The following SLC16A12 variants were observed in gnomAD, a reference collection of about 807,000 sequenced individuals.
The protein encoded by SLC16A12 is solute carrier family 16 member 12.
SLC16A12 carries 17 observed loss-of-function variants against 42.4 expected under a neutral mutation model. That is an observed-to-expected ratio of 0.40 (90% CI 0.27 to 0.60). SLC16A12 has a LOEUF of 0.60. Among genes scored for constraint, SLC16A12 ranks in the 20% least tolerant of loss-of-function variants. SLC16A12 has a pLI of 0.42. For missense variants in SLC16A12, 544 were observed against 623.0 expected (o/e 0.87, Z 1.35); for synonymous variants, 224 against 229.4 (o/e 0.98, Z 0.21).
intron 2 of SLC16A12, among the ~76,000 whole-genome samples, chr10:89,512,171 T>C (rs1452929458): frequency 2.0e-5 from 3 of 152,188 alleles, no homozygotes. Flanking sequence ...GGGGAGTTAG[T>C]ATTTAATGGG....
intron 1 of SLC16A12, among the ~76,000 whole-genome samples, chr10:89,556,228 T>A (rs1363212057): frequency 6.6e-6 from 1 of 152,150 alleles, no homozygotes; most frequent in Non-Finnish European, 1.5e-5. Flanking sequence ...GGTACTCCAT[T>A]GATAAATAAT....
At chr10:89,483,723 G>T (rs1842703047) in intron 2 of SLC16A12, among the ~76,000 whole-genome samples, 1 of 135,678 alleles carries the variant, frequency 7.4e-6, no homozygotes, top group African/African-American at 2.8e-5. Flanking sequence ...TGGCAACATA[G>T]TGAGACGCTG....
chr10:89,539,509 C>T (rs1383205351), upstream of SLC16A12, among the ~76,000 whole-genome samples: 1 of 152,120 alleles, frequency 6.6e-6, no homozygotes, highest in African/African-American at 2.4e-5. Context: ...AGCCTGACAC[C>T]TTAGGGTACA....
intron 2 of SLC16A12, among the ~76,000 whole-genome samples, chr10:89,514,488 C>T (rs1392281613): frequency 2.6e-5 from 4 of 152,198 alleles, no homozygotes; most frequent in Admixed American, 6.5e-5. Flanking sequence ...GGTGAAGGCA[C>T]TCTTCCTGGC....
intron 2 of SLC16A12, among the ~76,000 whole-genome samples, chr10:89,500,373 T>C (rs1329962312): frequency 6.6e-6 from 1 of 152,108 alleles, no homozygotes; most frequent in Non-Finnish European, 1.5e-5. Flanking sequence ...CTGATGAATA[T>C]AGATGCTAAA....
At chr10:89,451,194 T>G (rs1842091528) in intron 3 of SLC16A12, among the ~76,000 whole-genome samples, 1 of 152,142 alleles carries the variant, frequency 6.6e-6, no homozygotes, top group African/African-American at 2.4e-5. Context: ...GCTTTAACAA[T>G]CCATAGTAAC....
At chr10:89,502,894 A>G (rs1439284534) in intron 2 of SLC16A12, among the ~76,000 whole-genome samples, 1 of 152,222 alleles carries the variant, frequency 6.6e-6, no homozygotes, top group South Asian at 2.1e-4. Flanking sequence ...CTATCTCTTA[A>G]TAAAAGGCTG....
At chr10:89,444,879 T>C (rs1479107546) in intron 3 of SLC16A12, among the ~76,000 whole-genome samples, 5 of 152,188 alleles carry the variant, frequency 3.3e-5, no homozygotes, top group African/African-American at 1.2e-4. Context: ...CTGGGAAAAT[T>C]GGGGCACTGC....
chr10:89,470,748 C>T (rs140345877), intron 2 of SLC16A12, among the ~76,000 whole-genome samples: 240 of 152,346 alleles, frequency 1.6e-3, no homozygotes, highest in African/African-American at 5.6e-3. Context: ...ACAATGAGGA[C>T]AGAAGCCATC....
intron 2 of SLC16A12, among the ~76,000 whole-genome samples, chr10:89,523,734 T>C (rs1369949318): frequency 1.3e-5 from 2 of 152,204 alleles, no homozygotes; most frequent in Non-Finnish European, 2.9e-5. Flanking sequence ...GCTGAAGCAC[T>C]ACTCCAGGCA....
intron 2 of SLC16A12, among the ~76,000 whole-genome samples, chr10:89,543,027 C>T (rs183487678): frequency 1.8e-4 from 27 of 152,310 alleles, no homozygotes; most frequent in African/African-American, 6.3e-4. Flanking sequence ...CTTCTGCCTA[C>T]GGAGATCTAA....
intron 2 of SLC16A12, among the ~76,000 whole-genome samples, chr10:89,513,679 T>C (rs1234008880): frequency 6.6e-6 from 1 of 152,166 alleles, no homozygotes; most frequent in Non-Finnish European, 1.5e-5. Flanking sequence ...AATCAAAATA[T>C]TTAGCAAGAG....
rs371603974 is a variant in SLC16A12 at position 89,472,098 on chromosome 10, T to A, written c.-46-9474A>T. Among the ~76,000 whole-genome samples, 114 of 152,310 alleles carry A rather than the reference T, an allele frequency of 7.5e-4. 1 individual carries two copies. The highest frequency in any genetic ancestry group is 3.4e-3 in the Middle Eastern group (1 of 294). On this transcript the variant is annotated intron_variant, in intron 2 of 7. Transcript: ENST00000371790. ...ACCTATTCATTAATTAGTGGTGTAT[T>A]TTGAAGAGCAGAAGCCATTAATTTT... is the stretch of plus-strand genomic sequence containing the variant.
rs1282157713 is a variant in SLC16A12 at position 89,481,466 on chromosome 10, T to C, written c.-46-18842A>G. Among the ~76,000 whole-genome samples, 54 of 152,190 alleles carry C rather than the reference T, an allele frequency of 3.5e-4. 1 individual carries two copies. Among genetic ancestry groups the C allele is most frequent in the Admixed American group, 3.5e-3 (54 of 15,274 alleles). ...TTTAAACTTATTGAGATTTTATCAT[T>C]CCACTAATACCTGAGAGTTTTGCTT... On this transcript the variant is annotated intron_variant, in intron 2 of 7. Coordinates refer to ENST00000371790, the MANE Select transcript of SLC16A12 (RefSeq NM_213606.4).
intron 3 of SLC16A12, among the ~76,000 whole-genome samples, chr10:89,452,791 T>C (rs986033449): frequency 1.1e-4 from 16 of 152,332 alleles, no homozygotes; most frequent in African/African-American, 3.8e-4. Flanking sequence ...CGAACTGCAA[T>C]GCAGGCCTAA....
At chr10:89,552,643 C>G (rs1564606822) in intron 2 of SLC16A12, among the ~76,000 whole-genome samples, 1 of 152,146 alleles carries the variant, frequency 6.6e-6, no homozygotes, top group Non-Finnish European at 1.5e-5. Flanking sequence ...TAAGCCAATT[C>G]AACTCAACTA....
chr10:89,485,444 G>A (rs1201123425), intron 2 of SLC16A12, among the ~76,000 whole-genome samples: 1 of 152,186 alleles, frequency 6.6e-6, no homozygotes, highest in African/African-American at 2.4e-5. Context: ...ACATCTAACG[G>A]CTCATCCTGC....
At chr10:89,538,318 CAACACGGCTATAA>C (rs748477528), upstream of SLC16A12, among the ~76,000 whole-genome samples, 38 of 152,184 alleles carry the variant, frequency 2.5e-4, no homozygotes, top group Non-Finnish European at 4.6e-4. Flanking sequence ...TGCACAGTCC[CAACACGGCTATAA>C]AATATGGCTA....
chr10:89,477,836 TC>T (rs1023151715), intron 2 of SLC16A12, among the ~76,000 whole-genome samples: 18 of 152,190 alleles, frequency 1.2e-4, no homozygotes, highest in Admixed American at 1.1e-3. Context: ...TATTGTTCCC[TC>T]CCAGTTCTGA....
Sources: gnomAD v4.1 joint callset for allele counts (sites outside exome capture counted in the v4.1 genomes callset) on GRCh38, gnomAD v4.1.1 for gene constraint, MANE v1.5 for transcripts, NCBI Gene and HGNC (gene_info 2026-07-23, HGNC 2026-07-21) for gene names.